The following CLTC variants were observed in gnomAD, a reference collection of about 807,000 sequenced individuals.
CLTC encodes clathrin heavy chain 1.
Under a neutral mutation model 195.8 loss-of-function variants are expected in CLTC, and 16 were observed. The ratio of observed to expected loss-of-function variants is 0.08; its 90% CI spans 0.06 to 0.12. The LOEUF is 0.12. Among genes scored for constraint, CLTC ranks in the 10% least tolerant of loss-of-function variants. The pLI is 1.00. For synonymous variants in CLTC, 667 were observed against 689.4 expected (o/e 0.97, Z 0.51); for missense variants, 796 against 2,027.0 (o/e 0.39, Z 11.66).
chr17:59,671,022 A>T (rs75605829), intron 14 of CLTC: 78 of 152,310 alleles, frequency 5.1e-4, no homozygotes, highest in African/African-American at 1.8e-3. Context: ...ACCATAAGCT[A>T]TGTTTATTTA....
chr17:59,632,758 T>C (rs2031761307), intron 1 of CLTC, among the ~76,000 whole-genome samples: 1 of 152,178 alleles, frequency 6.6e-6, no homozygotes, highest in Admixed American at 6.5e-5. Context: ...AGTGAAGCAG[T>C]GTCTATAGTT....
At chr17:59,679,897 C>T (rs545722562) in intron 18 of CLTC, among the ~76,000 whole-genome samples, 1 of 151,908 alleles carries the variant, frequency 6.6e-6, no homozygotes, top group South Asian at 2.1e-4. Context: ...AGTAAAACCC[C>T]ATCTCTACTA....
In CLTC at chr17:59,695,680, C is replaced by A. The variant is rs577675086; in HGVS notation, c.*1828C>A. The A allele has an allele frequency of 3.5e-3, 650 of 185,112 alleles. 6 individuals carry two copies. The highest frequency in any genetic ancestry group is 7.8e-3 in the Middle Eastern group (4 of 510). 11.5% of individuals were successfully genotyped at this position (185,112 alleles called of 1,614,324 possible). A position where few individuals can be genotyped will look rare whatever the true frequency, so the allele number is the denominator to read the frequency against. The stretch of plus-strand genomic sequence containing the variant: ...ACTCTTGTCTCAAAAAACAAAAAAA[C>A]CTATTTAGTTTCATCCAGGACATTA... On this transcript the variant is annotated 3_prime_UTR_variant, in exon 32 of 32. Transcript: ENST00000269122.
chr17:59,625,381 T>A (rs2031518280), intron 1 of CLTC, among the ~76,000 whole-genome samples: 1 of 152,284 alleles, frequency 6.6e-6, no homozygotes, highest in East Asian at 1.9e-4. Flanking sequence ...TGCCTCGGCC[T>A]CCCGAAGTGT....
Position 59,681,982 on chromosome 17 carries a change from T to C in CLTC, c.3442+143T>C, listed in dbSNP as rs1192938901. 9 of 786,320 alleles carry C rather than the reference T, an allele frequency of 1.1e-5. No individual in the cohort carries two copies. The East Asian group carries it at 2.4e-4, about 21-fold the overall frequency. The allele number at this position is 786,320 out of a possible 1,614,324, so 48.7% of individuals were successfully genotyped here. A position where few individuals can be genotyped will look rare whatever the true frequency, so the allele number is the denominator to read the frequency against. ...CATCTTAGTCCAGATAAAAAGAGGC[T>C]GTATTTTGTGAATTTGTAAGTTCAC... On this transcript the variant is annotated intron_variant, in intron 21 of 31. Coordinates refer to ENST00000269122, the MANE Select transcript of CLTC (RefSeq NM_004859.4). This position sits in a 1 kb window ranked among gnomAD's most constrained non-coding sequence, Gnocchi z 5.0.
chr17:59,687,787 T>TC (rs1207643221), intron 30 of CLTC, among the ~76,000 whole-genome samples: 1 of 152,222 alleles, frequency 6.6e-6, no homozygotes, highest in Admixed American at 6.5e-5. Context: ...AAATTTGCTC[T>TC]CCTATTTATC....
At chr17:59,687,893 C>T (rs538478297) in intron 30 of CLTC, among the ~76,000 whole-genome samples, 7 of 152,152 alleles carry the variant, frequency 4.6e-5, no homozygotes, top group East Asian at 1.9e-4. Context: ...AACAAACTTA[C>T]GTCTGTTATC....
chr17:59,650,674 G>A (rs895078869), intron 4 of CLTC, among the ~76,000 whole-genome samples: 1 of 151,986 alleles, frequency 6.6e-6, no homozygotes, highest in Non-Finnish European at 1.5e-5. Flanking sequence ...ATAGGAAGCT[G>A]TAAAGACAGT....
intron 1 of CLTC, among the ~76,000 whole-genome samples, chr17:59,634,343 T>C (rs1008376477): frequency 7.2e-5 from 11 of 152,206 alleles, no homozygotes; most frequent in African/African-American, 2.4e-4. Context: ...TCTTGGTAAG[T>C]CATATCCATC....
At chr17:59,661,323 G>C in intron 7 of CLTC, 120 bp from the exon 8 acceptor site, 1 of 727,404 alleles carries the variant, frequency 1.4e-6, no homozygotes, top group Non-Finnish European at 2.4e-6. Flanking sequence ...CTTTAAGATT[G>C]ACCTAAGAGA....
chr17:59,643,326 A>G (rs181535901), intron 1 of CLTC, among the ~76,000 whole-genome samples: 13 of 152,282 alleles, frequency 8.5e-5, no homozygotes, highest in Admixed American at 8.5e-4. Flanking sequence ...ATAACCCACT[A>G]TGGTAGAGAT....
At chr17:59,661,398 C>T (rs780520993) in intron 7 of CLTC, 45 bp from the exon 8 acceptor site, 4 of 1,491,348 alleles carry the variant, frequency 2.7e-6, no homozygotes, top group African/African-American at 1.4e-5. Context: ...AACATTTCTC[C>T]TTCTTACACT....
intron 1 of CLTC, among the ~76,000 whole-genome samples, chr17:59,629,710 G>C (rs2031656377): frequency 1.3e-5 from 2 of 151,798 alleles, no homozygotes; most frequent in Non-Finnish European, 2.9e-5. Flanking sequence ...TAGTACAGAT[G>C]GGATTTCACC....
chr17:59,690,592 T>C, intron 30 of CLTC, 44 bp from the exon 31 acceptor site: 1 of 1,408,070 alleles, frequency 7.1e-7, no homozygotes. Flanking sequence ...CCTAGGTTTA[T>C]AATACTTTTG....
At position 59,666,958 on chromosome 17, in the gene CLTC, A is replaced by G. The variant is rs922809672; in HGVS notation, c.2109A>G (p.Glu703=). The change falls in exon 13 of 32, where the codon GAA becomes GAG. Residue 703 remains glutamate, a synonymous_variant. Transcript: ENST00000269122. The surrounding 1 kb of genome is among the most constrained non-coding windows in gnomAD (Gnocchi z 4.9). ...LSTQSLIELF[E]SFKSFEGLFY... ...CTCAGTCTCTGATTGAACTTTTTGA[A>G]TCTTTCAAGAGTTTTGAAGGTAATT... The G allele has an allele frequency of 6.2e-7, 1 of 1,612,828 alleles. No homozygotes were observed. Among genetic ancestry groups the G allele is most frequent in the Non-Finnish European group, 8.5e-7 (1 of 1,179,528 alleles).
intron 4 of CLTC, among the ~76,000 whole-genome samples, chr17:59,650,050 A>G (rs2032291745): frequency 6.6e-6 from 1 of 152,174 alleles, no homozygotes; most frequent in Non-Finnish European, 1.5e-5. Flanking sequence ...CAGTATGGCT[A>G]GTCATCCTAA....
chr17:59,658,958 G>A (rs1354955116), intron 6 of CLTC, among the ~76,000 whole-genome samples: 3 of 152,238 alleles, frequency 2.0e-5, no homozygotes, highest in Non-Finnish European at 2.9e-5. Context: ...GAAAGGAGTA[G>A]TAGAATTGGC....
chr17:59,648,130 T>G lies in CLTC; in HGVS notation c.520-110T>G. 2 of 1,067,660 alleles carry G rather than the reference T, an allele frequency of 1.9e-6. No homozygotes were observed. Among genetic ancestry groups the G allele is most frequent in the African/African-American group, 1.6e-5 (1 of 63,082 alleles). The allele number at this position is 1,067,660 out of a possible 1,614,324, so 66.1% of individuals were successfully genotyped here. A position where few individuals can be genotyped will look rare whatever the true frequency, so the allele number is the denominator to read the frequency against. On this transcript the variant is annotated intron_variant, in intron 3 of 31. Coordinates refer to ENST00000269122, the MANE Select transcript of CLTC (RefSeq NM_004859.4). This position sits in a 1 kb window ranked among gnomAD's most constrained non-coding sequence, Gnocchi z 4.5. Reference sequence around the variant, plus strand: ...AGTGAGAGATGAAGTGACAAATAATTATAAATCCTGCTAAAGATGACAAAG... The same window carrying G: ...AGTGAGAGATGAAGTGACAAATAATGATAAATCCTGCTAAAGATGACAAAG...
chr17:59,669,533 T>G (rs2032800356), intron 14 of CLTC, among the ~76,000 whole-genome samples: 1 of 152,218 alleles, frequency 6.6e-6, no homozygotes, highest in Non-Finnish European at 1.5e-5. Flanking sequence ...GATTCTGAAC[T>G]CTAGAACATC....
Sources: gnomAD v4.1 joint callset for allele counts (sites outside exome capture counted in the v4.1 genomes callset) on GRCh38, gnomAD v4.1.1 for gene constraint, Gnocchi (gnomAD v3.1) non-coding constraint, MANE v1.5 for transcripts, NCBI Gene and HGNC (gene_info 2026-07-23, HGNC 2026-07-21) for gene names.